The following CCDC178 variants were observed in gnomAD, a reference collection of about 807,000 sequenced individuals.
CCDC178 encodes coiled-coil domain-containing protein 178.
In CCDC178, 126 loss-of-function variants were observed where a neutral mutation model predicts 117.4. That is an observed-to-expected ratio of 1.07 (90% CI 0.93 to 1.24). CCDC178 has a LOEUF of 1.24. CCDC178 is among the 50% of genes most tolerant of loss of function. The pLI is 0.00. For synonymous variants in CCDC178, 283 were observed against 313.4 expected (o/e 0.90, Z 1.02); for missense variants, 1,030 against 986.9 (o/e 1.04, Z -0.59).
At chr18:33,061,048 T>C (rs1598840629) in intron 21 of CCDC178, among the ~76,000 whole-genome samples, 1 of 152,110 alleles carries the variant, frequency 6.6e-6, no homozygotes, top group South Asian at 2.1e-4. Context: ...TGCACAATTA[T>C]TTAGCAAGTT....
intron 14 of CCDC178, among the ~76,000 whole-genome samples, chr18:33,263,412 C>T (rs1193251369): frequency 1.3e-5 from 2 of 152,058 alleles, no homozygotes; most frequent in Non-Finnish European, 2.9e-5. Flanking sequence ...GCAATTTGTA[C>T]ATAAATCATA....
At chr18:33,393,692 T>C (rs2063593036) in intron 4 of CCDC178, among the ~76,000 whole-genome samples, 1 of 152,200 alleles carries the variant, frequency 6.6e-6, no homozygotes, top group African/African-American at 2.4e-5. Flanking sequence ...GTCCACATTA[T>C]ATTATTGCAT....
intron 2 of CCDC178, among the ~76,000 whole-genome samples, chr18:33,430,901 T>C (rs1275137817): frequency 2.0e-5 from 3 of 151,458 alleles, no homozygotes. Flanking sequence ...TGAAACCCCA[T>C]CTCTACTAAA....
chr18:33,141,650 A>G (rs1178965917), intron 20 of CCDC178, among the ~76,000 whole-genome samples: 1 of 152,208 alleles, frequency 6.6e-6, no homozygotes, highest in East Asian at 1.9e-4. Flanking sequence ...AAAGAAACAC[A>G]AAGAGGAAAG....
intron 21 of CCDC178, among the ~76,000 whole-genome samples, chr18:32,984,937 A>T (rs746495765): frequency 6.6e-5 from 10 of 151,922 alleles, no homozygotes; most frequent in Non-Finnish European, 1.2e-4. Flanking sequence ...CTAAGTTGGC[A>T]CTTTCGGTTT....
intron 14 of CCDC178, among the ~76,000 whole-genome samples, chr18:33,255,998 C>T (rs1480000689): frequency 1.3e-5 from 2 of 150,086 alleles, no homozygotes; most frequent in African/African-American, 2.4e-5. Flanking sequence ...AAAACGCCTA[C>T]CACAGGACTG....
intron 2 of CCDC178, among the ~76,000 whole-genome samples, chr18:33,415,079 A>G (rs1048926895): frequency 6.6e-6 from 1 of 152,230 alleles, no homozygotes; most frequent in African/African-American, 2.4e-5. Flanking sequence ...GGGGAGAAAT[A>G]GGAACACTTT....
chr18:32,975,531 A>G (rs1221259707), intron 21 of CCDC178, among the ~76,000 whole-genome samples: 2 of 152,316 alleles, frequency 1.3e-5, no homozygotes, highest in East Asian at 1.9e-4. Flanking sequence ...AGGCATTTTC[A>G]AAGGGATAAA....
chr18:32,978,203 A>T (rs940368432), intron 21 of CCDC178, among the ~76,000 whole-genome samples: 5 of 90,022 alleles, frequency 5.6e-5, no homozygotes, highest in African/African-American at 8.1e-5. Flanking sequence ...CTCAAAAAAG[A>T]TTTTTTTTTT....
intron 21 of CCDC178, among the ~76,000 whole-genome samples, chr18:33,066,909 G>C (rs2057026448): frequency 6.6e-6 from 1 of 152,062 alleles, no homozygotes; most frequent in African/African-American, 2.4e-5. Flanking sequence ...AATATTTGGA[G>C]ACTTCAACAC....
intron 11 of CCDC178, among the ~76,000 whole-genome samples, chr18:33,313,789 CA>C (rs2062375003): frequency 6.6e-6 from 1 of 152,152 alleles, no homozygotes; most frequent in Non-Finnish European, 1.5e-5. Flanking sequence ...GGCAGATGCC[CA>C]GGGGAAGATT....
At chr18:33,263,464 T>C (rs994203928) in intron 14 of CCDC178, among the ~76,000 whole-genome samples, 2 of 152,116 alleles carry the variant, frequency 1.3e-5, no homozygotes, top group Admixed American at 6.6e-5. Context: ...ATTTAAATGG[T>C]GTATTTAACA....
At chr18:33,012,593 C>T (rs1411833760) in intron 21 of CCDC178, among the ~76,000 whole-genome samples, 1 of 152,118 alleles carries the variant, frequency 6.6e-6, no homozygotes, top group Non-Finnish European at 1.5e-5. Flanking sequence ...TTACAGCGCT[C>T]CCCTAAAATA....
chr18:33,388,923 G>A (rs554404159), intron 5 of CCDC178, among the ~76,000 whole-genome samples: 3 of 152,072 alleles, frequency 2.0e-5, no homozygotes, highest in Non-Finnish European at 4.4e-5. Context: ...TCACTTATAA[G>A]TGGGAGCTGA....
At chr18:33,180,204 GT>G (rs2058718327) in intron 20 of CCDC178, among the ~76,000 whole-genome samples, 1 of 151,822 alleles carries the variant, frequency 6.6e-6, no homozygotes, top group Non-Finnish European at 1.5e-5. Flanking sequence ...GGTATTAGTG[GT>G]GTAGATATCA....
chr18:33,242,402 A>G (rs780594098), intron 15 of CCDC178, among the ~76,000 whole-genome samples: 33 of 151,826 alleles, frequency 2.2e-4, no homozygotes, highest in Non-Finnish European at 3.7e-4. Flanking sequence ...AAATAAACAA[A>G]TTACATTATA....
intron 11 of CCDC178, among the ~76,000 whole-genome samples, chr18:33,299,939 C>G (rs1182910280): frequency 6.6e-6 from 1 of 152,024 alleles, no homozygotes; most frequent in East Asian, 1.9e-4. Flanking sequence ...CAAAAAATAA[C>G]AAATGCTGTT....
intron 21 of CCDC178, among the ~76,000 whole-genome samples, chr18:33,074,140 A>G (rs2057162804): frequency 6.6e-6 from 1 of 152,022 alleles, no homozygotes; most frequent in African/African-American, 2.4e-5. Context: ...TCCTGAATAT[A>G]GGGGTAAGTT....
chr18:33,337,640 A>G (rs1001098749), intron 9 of CCDC178, among the ~76,000 whole-genome samples: 1 of 152,158 alleles, frequency 6.6e-6, no homozygotes, highest in Non-Finnish European at 1.5e-5. Flanking sequence ...AAAGCAAACA[A>G]AACAACATAA....
Sources: gnomAD v4.1 joint callset for allele counts (sites outside exome capture counted in the v4.1 genomes callset) on GRCh38, gnomAD v4.1.1 for gene constraint, MANE v1.5 for transcripts, NCBI Gene and HGNC (gene_info 2026-07-23, HGNC 2026-07-21) for gene names.